Variants in DHRS12 observed in about 807,000 individuals in gnomAD.
DHRS12 encodes dehydrogenase/reductase 12.
DHRS12 carries 29 observed loss-of-function variants against 32.1 expected under a neutral mutation model. That is an observed-to-expected ratio of 0.90 (90% CI 0.67 to 1.23). DHRS12 has a LOEUF of 1.23. Ranked by LOEUF, DHRS12 falls within the 50% of genes most tolerant of loss-of-function variation. The pLI, the probability that DHRS12 is intolerant of heterozygous loss-of-function variation, is 0.00. For missense variants in DHRS12, 330 were observed against 337.2 expected, an observed-to-expected ratio of 0.98 and a Z score of 0.17; for synonymous variants, 150 against 135.9, an observed-to-expected ratio of 1.10 and a Z score of -0.72.
chr13:51,785,110 C>T (rs994737182), intron 4 of DHRS12, among the ~76,000 whole-genome samples: 83 of 152,004 alleles, frequency 5.5e-4, no homozygotes, highest in African/African-American at 1.8e-3. Flanking sequence ...TACCTGTAAT[C>T]CCAGCTACTC....
chr13:51,772,877 G>A, intron 6 of DHRS12: 2 of 985,434 alleles, frequency 2.0e-6, no homozygotes, highest in Non-Finnish European at 1.2e-6. Flanking sequence ...ACCAGGATTT[G>A]GTCTGGGGTC....
intron 6 of DHRS12, 116 bp from the exon 7 acceptor site, chr13:51,772,027 C>G: frequency 1.1e-6 from 1 of 946,996 alleles, no homozygotes; most frequent in Admixed American, 2.4e-5. Context: ...GCAGTATGTA[C>G]GGCCACTTGA....
chr13:51,759,188 T>G, the DHRS12 span, among the ~76,000 whole-genome samples: 1 of 152,098 alleles, frequency 6.6e-6, no homozygotes. Flanking sequence ...CTCAAAATAA[T>G]TAATTAATTA....
Position 51,804,044 on chromosome 13 carries a change from G to T in DHRS12, c.-9+10C>A. On this transcript the variant is annotated intron_variant, in intron 1 of 8. Coordinates refer to ENST00000444610, the MANE Select transcript of DHRS12 (RefSeq NM_001377533.1). Reference sequence around the variant, plus strand: ...AGCCCGGGGCCCCGCGCCCCGCCGCGCCGCCTTACTTGGTGTACTCGCGCA... The same window carrying T: ...AGCCCGGGGCCCCGCGCCCCGCCGCTCCGCCTTACTTGGTGTACTCGCGCA... 1 of 1,470,414 alleles carries T rather than the reference G, an allele frequency of 6.8e-7. No homozygotes were observed. The highest frequency in any genetic ancestry group is 9.0e-7 in the Non-Finnish European group (1 of 1,116,948). 91.1% of individuals were successfully genotyped at this position (1,470,414 alleles called of 1,614,324 possible).
At chr13:51,768,345 C>G (rs1035268412) in intron 8 of DHRS12, 49 bp from the exon 9 acceptor site, 1 of 1,533,858 alleles carries the variant, frequency 6.5e-7, no homozygotes, top group Non-Finnish European at 8.7e-7. Context: ...TGCAGCGTGG[C>G]TGGGTCCATG....
At chr13:51,783,351 G>C (rs1019822437) in intron 4 of DHRS12, among the ~76,000 whole-genome samples, 3 of 152,082 alleles carry the variant, frequency 2.0e-5, no homozygotes, top group Non-Finnish European at 4.4e-5. Flanking sequence ...TTGTTACTGA[G>C]GACGAGCACC....
intron 1 of DHRS12, among the ~76,000 whole-genome samples, chr13:51,800,447 G>A (rs781767357): frequency 1.3e-5 from 2 of 152,238 alleles, no homozygotes; most frequent in Non-Finnish European, 2.9e-5. Flanking sequence ...GGGCAGTGGT[G>A]GCAGAATGGT....
At chr13:51,776,932 T>C (rs1954449143) in intron 5 of DHRS12, 128 bp downstream of exon 5, 2 of 1,006,380 alleles carry the variant, frequency 2.0e-6, no homozygotes, top group Admixed American at 2.0e-5. Flanking sequence ...CCTGACAGAA[T>C]TGAGGTTTTG....
chr13:51,756,213 T>C, the DHRS12 span: 1 of 1,427,452 alleles, frequency 7.0e-7, no homozygotes, highest in East Asian at 2.3e-5. Context: ...GGGGCTCTCT[T>C]GTTCAGCATC....
Position 51,804,084 on chromosome 13 carries a change from C to A in DHRS12, c.-39G>T. On this transcript the variant is annotated 5_prime_UTR_variant, in exon 1 of 9. Transcript: ENST00000444610. ...GTACTCGCGCAGCCCCTTGGCGAAC[C>A]ACACGACGCTGCGGTACAGGGACAT... 1 of 1,494,546 alleles carries A rather than the reference C, an allele frequency of 6.7e-7. No individual in the cohort carries two copies. Among genetic ancestry groups the A allele is most frequent in the Non-Finnish European group, 8.9e-7 (1 of 1,128,854 alleles). 92.6% of individuals were successfully genotyped at this position (1,494,546 alleles called of 1,614,324 possible).
intron 8 of DHRS12, 32 bp downstream of exon 8, chr13:51,769,124 T>TCA (rs1953889734): frequency 1.3e-6 from 2 of 1,548,454 alleles, no homozygotes; most frequent in South Asian, 2.4e-5. Flanking sequence ...TAGCCCTGTG[T>TCA]CAGCTGCCTT....
At chr13:51,762,296 A>G in the DHRS12 span, 5 of 152,230 alleles carry the variant, frequency 3.3e-5, no homozygotes, top group African/African-American at 1.2e-4. Flanking sequence ...GTCAGATCAC[A>G]TATGTCCTCT....
chr13:51,780,081 G>A (rs964941059), intron 4 of DHRS12, among the ~76,000 whole-genome samples: 1 of 152,120 alleles, frequency 6.6e-6, no homozygotes, highest in African/African-American at 2.4e-5. Flanking sequence ...GGAGGCTGAG[G>A]CAGGAGAATC....
intron 2 of DHRS12, among the ~76,000 whole-genome samples, chr13:51,796,548 T>C (rs1198715946): frequency 6.6e-6 from 1 of 152,120 alleles, no homozygotes; most frequent in Non-Finnish European, 1.5e-5. Context: ...CTAAACATGG[T>C]GGAATTAGAT....
intron 7 of DHRS12, among the ~76,000 whole-genome samples, chr13:51,769,571 G>C (rs1469583753): frequency 6.6e-6 from 1 of 152,072 alleles, no homozygotes; most frequent in Non-Finnish European, 1.5e-5. Flanking sequence ...CCTGAGAGCA[G>C]AGTCGCCCGC....
At chr13:51,796,586 C>T (rs142223949) in intron 2 of DHRS12, among the ~76,000 whole-genome samples, 2 of 152,306 alleles carry the variant, frequency 1.3e-5, no homozygotes, top group Admixed American at 1.3e-4. Flanking sequence ...ATATTATCAT[C>T]ATTTTTCATT....
At chr13:51,769,119 C>CT in intron 8 of DHRS12, 37 bp downstream of exon 8, 1 of 1,548,500 alleles carries the variant, frequency 6.5e-7, no homozygotes, top group Non-Finnish European at 8.7e-7. Flanking sequence ...GCCCCTAGCC[C>CT]TGTGTCAGCT....
intron 4 of DHRS12, among the ~76,000 whole-genome samples, chr13:51,779,244 C>A (rs1406567237): frequency 6.6e-6 from 1 of 152,168 alleles, no homozygotes; most frequent in Non-Finnish European, 1.5e-5. Context: ...CAAAGTCCTT[C>A]AACACTCTGG....
At chr13:51,792,401 G>T (rs1191886895) in intron 2 of DHRS12, among the ~76,000 whole-genome samples, 1 of 150,960 alleles carries the variant, frequency 6.6e-6, no homozygotes, top group Non-Finnish European at 1.5e-5. Context: ...TTTTTTGTTT[G>T]TTTTTTCTTG....
Sources: allele counts gnomAD v4.1 joint callset (sites outside exome capture counted in the v4.1 genomes callset), GRCh38; gene constraint gnomAD v4.1.1; transcripts MANE v1.5; gene names NCBI Gene and HGNC (gene_info 2026-07-23, HGNC 2026-07-21).